The following CSGALNACT1 variants were observed in gnomAD, a reference collection of about 807,000 sequenced individuals.
CSGALNACT1 encodes chondroitin sulfate N-acetylgalactosaminyltransferase 1.
In CSGALNACT1, 52 loss-of-function variants were observed where a neutral mutation model predicts 51.0. That is an observed-to-expected ratio of 1.02 (90% CI 0.82 to 1.29). The LOEUF (loss-of-function observed/expected upper bound fraction) is 1.29, where lower values mean the gene tolerates loss of function less well. CSGALNACT1 is among the 50% of genes most tolerant of loss of function. The pLI is 0.00. For missense variants in CSGALNACT1, 935 were observed against 679.2 expected, an observed-to-expected ratio of 1.38 and a Z score of -4.19; for synonymous variants, 341 against 254.4, an observed-to-expected ratio of 1.34 and a Z score of -3.24.
intron 1 of CSGALNACT1, among the ~76,000 whole-genome samples, chr8:19,679,547 C>T (rs191465208): frequency 1.2e-4 from 18 of 152,256 alleles, no homozygotes; most frequent in African/African-American, 2.4e-4. Context: ...AAGGTACTGA[C>T]GCAGGATGCT....
chr8:19,453,163 G>T (rs1280354526), intron 5 of CSGALNACT1, among the ~76,000 whole-genome samples: 1 of 152,140 alleles, frequency 6.6e-6, no homozygotes, highest in Non-Finnish European at 1.5e-5. Context: ...AAATGGGTCT[G>T]AAAGAAAATG....
At chr8:19,536,039 T>G (rs1203645860) in intron 3 of CSGALNACT1, among the ~76,000 whole-genome samples, 2 of 152,150 alleles carry the variant, frequency 1.3e-5, no homozygotes, top group Non-Finnish European at 2.9e-5. Context: ...ACTGTCCATT[T>G]TTGCAGAAGA....
intron 3 of CSGALNACT1, among the ~76,000 whole-genome samples, chr8:19,525,615 CAAAAAAAAAAAAAAAAAAA>C (rs34787475): frequency 0.13 from 2,675 of 20,870 alleles, 170 homozygotes; most frequent in Middle Eastern, 0.25. Flanking sequence ...AAACTTGTCC[CAAAAAAAAAAAAAAAAAAA>C]AAAAAAAAAA....
intron 3 of CSGALNACT1, among the ~76,000 whole-genome samples, chr8:19,513,419 T>A (rs376929281): frequency 0.016 from 835 of 51,668 alleles, 7 homozygotes; most frequent in African/African-American, 0.067. Context: ...TCTCTCACTC[T>A]CTCTCTCTCT....
intron 1 of CSGALNACT1, among the ~76,000 whole-genome samples, chr8:19,640,122 A>C (rs113518843): frequency 0.013 from 2,001 of 152,156 alleles, 27 homozygotes; most frequent in African/African-American, 0.042. Context: ...AATAACAAAG[A>C]TATATAAGGT....
At chr8:19,740,540 C>A (rs555580003) in intron 1 of CSGALNACT1, among the ~76,000 whole-genome samples, 9 of 152,176 alleles carry the variant, frequency 5.9e-5, no homozygotes, top group African/African-American at 1.9e-4. Context: ...AGAGCTTGAG[C>A]CTGGTGTTTG....
At chr8:19,634,769 A>G (rs187050029) in intron 1 of CSGALNACT1, among the ~76,000 whole-genome samples, 4 of 152,348 alleles carry the variant, frequency 2.6e-5, no homozygotes, top group Admixed American at 2.0e-4. Flanking sequence ...AGCCCTTACC[A>G]GGAAGCAAAG....
intron 1 of CSGALNACT1, among the ~76,000 whole-genome samples, chr8:19,750,449 T>A (rs927183451): frequency 2.6e-5 from 4 of 151,946 alleles, no homozygotes; most frequent in Admixed American, 6.6e-5. Context: ...AAGGGAGAGG[T>A]TGAGAGGAGA....
At chr8:19,645,692 G>A (rs577554951) in intron 1 of CSGALNACT1, among the ~76,000 whole-genome samples, 3 of 152,212 alleles carry the variant, frequency 2.0e-5, no homozygotes, top group Admixed American at 6.5e-5. Context: ...GATGCTGTGG[G>A]CACTGCCTGA....
At chr8:19,609,357 A>G (rs2154151377) in intron 1 of CSGALNACT1, among the ~76,000 whole-genome samples, 1 of 148,692 alleles carries the variant, frequency 6.7e-6, no homozygotes, top group Non-Finnish European at 1.5e-5. Context: ...TATGCATACT[A>G]GATAATGAAG....
chr8:19,711,844 G>C (rs1331234286), intron 1 of CSGALNACT1, among the ~76,000 whole-genome samples: 2 of 152,100 alleles, frequency 1.3e-5, no homozygotes, highest in East Asian at 3.9e-4. Context: ...AACAGTGTGT[G>C]GCACCTCCAA....
chr8:19,412,878 G>A (rs928373715), intron 8 of CSGALNACT1, among the ~76,000 whole-genome samples: 1 of 151,918 alleles, frequency 6.6e-6, no homozygotes, highest in African/African-American at 2.4e-5. Context: ...AGGGCTCAGT[G>A]ATCATGCTGC....
At chr8:19,716,678 G>C (rs1323958613) in intron 1 of CSGALNACT1, among the ~76,000 whole-genome samples, 1 of 140,822 alleles carries the variant, frequency 7.1e-6, no homozygotes, top group African/African-American at 2.6e-5. Flanking sequence ...TATAATCCCA[G>C]CTACTCAGGA....
chr8:19,501,037 G>A (rs926482070), intron 4 of CSGALNACT1, among the ~76,000 whole-genome samples: 4 of 152,144 alleles, frequency 2.6e-5, no homozygotes, highest in Non-Finnish European at 5.9e-5. Context: ...ATCACTTGAG[G>A]TCAGGAGTTC....
intron 1 of CSGALNACT1, among the ~76,000 whole-genome samples, chr8:19,670,354 A>G (rs2059696058): frequency 6.6e-6 from 1 of 152,212 alleles, no homozygotes; most frequent in South Asian, 2.1e-4. Context: ...TATCCCCTGA[A>G]TAAAAATTGT....
rs750278766 is a variant in CSGALNACT1, at chr8:19,418,686, A to T, written c.1197T>A (p.His399Gln). ...GCTGTTCCAAGGGAGGGACTGCATC[A>T]TGGTGGCCGTATATTATGCCAGGAT... Residue 399 changes from histidine to glutamine, a missense_variant, in exon 8 of 10, where the codon CAT (histidine) becomes CAA (glutamine). Coordinates refer to ENST00000454498, the Ensembl canonical transcript of CSGALNACT1. The T allele has an allele frequency of 1.2e-6, 2 of 1,613,560 alleles. No individual in the cohort carries two copies. Among genetic ancestry groups the T allele is most frequent in the Admixed American group, 3.3e-5 (2 of 60,030 alleles).
intron 4 of CSGALNACT1, among the ~76,000 whole-genome samples, chr8:19,479,539 T>C (rs1230075555): frequency 1.3e-5 from 2 of 152,214 alleles, no homozygotes; most frequent in Non-Finnish European, 1.5e-5. Context: ...TTATTCTCCT[T>C]CATATGCTTA....
chr8:19,671,972 T>G (rs1192422855), intron 1 of CSGALNACT1, among the ~76,000 whole-genome samples: 3 of 152,236 alleles, frequency 2.0e-5, no homozygotes, highest in African/African-American at 7.2e-5. Context: ...TTGGGGCAGT[T>G]AGATGTTTTT....
At chr8:19,523,552 G>A (rs930872706) in intron 3 of CSGALNACT1, among the ~76,000 whole-genome samples, 2 of 152,124 alleles carry the variant, frequency 1.3e-5, no homozygotes, top group Non-Finnish European at 2.9e-5. Context: ...TTACAGGCAG[G>A]AGCCACCACG....
Sources: gnomAD v4.1 joint callset for allele counts (sites outside exome capture counted in the v4.1 genomes callset) on GRCh38, gnomAD v4.1.1 for gene constraint, MANE v1.5 for transcripts, NCBI Gene and HGNC (gene_info 2026-07-23, HGNC 2026-07-21) for gene names.